The following NCOA7 variants were observed in gnomAD, a reference collection of about 807,000 sequenced individuals.
NCOA7 encodes nuclear receptor coactivator 7, also known as 140 kDa estrogen receptor-associated protein.
In NCOA7, 45 loss-of-function variants were observed where a neutral mutation model predicts 104.3. That is an observed-to-expected ratio of 0.43 (90% CI 0.34 to 0.55). The LOEUF (loss-of-function observed/expected upper bound fraction) is 0.55. NCOA7 is among the 20% of genes least tolerant of loss of function. The probability of loss-of-function intolerance (pLI) is 0.02; values close to 1 mark genes in which losing one functional copy is unlikely to be tolerated. For synonymous variants in NCOA7, 398 were observed against 402.3 expected (o/e 0.99, Z 0.13); for missense variants, 1,041 against 1,119.7 (o/e 0.93, Z 1.00).
intron 2 of NCOA7, among the ~76,000 whole-genome samples, chr6:125,839,844 A>T (rs1466410073): frequency 6.6e-6 from 1 of 152,120 alleles, no homozygotes; most frequent in African/African-American, 2.4e-5. Flanking sequence ...AGCTGTGGAA[A>T]AGCATAGTAC....
At chr6:125,806,825 T>G (rs756767430) in intron 1 of NCOA7, among the ~76,000 whole-genome samples, 11 of 152,222 alleles carry the variant, frequency 7.2e-5, no homozygotes, top group Non-Finnish European at 1.0e-4. Context: ...AGTACTTTCC[T>G]TTGGGGCATC....
intron 13 of NCOA7, 93 bp from the exon 14 acceptor site, chr6:125,927,570 T>C (rs1788144321): frequency 1.1e-6 from 1 of 913,604 alleles, no homozygotes; most frequent in Non-Finnish European, 1.8e-6. Context: ...CTGAAATAGA[T>C]CTCAGAACAT....
At chr6:125,911,872 G>A (rs1450816823) in intron 10 of NCOA7, among the ~76,000 whole-genome samples, 1 of 152,080 alleles carries the variant, frequency 6.6e-6, no homozygotes, top group Non-Finnish European at 1.5e-5. Context: ...CACACGGTTT[G>A]TTCATCTCCT....
At chr6:125,789,006 G>T (rs6942023), upstream of NCOA7, among the ~76,000 whole-genome samples, 18,262 of 151,970 alleles carry the variant, frequency 0.12, 1,461 homozygotes, top group African/African-American at 0.23. Flanking sequence ...TGAGAAACAG[G>T]GAAAACTTGT....
intron 2 of NCOA7, among the ~76,000 whole-genome samples, chr6:125,847,826 C>A (rs1310255954): frequency 6.6e-6 from 1 of 151,674 alleles, no homozygotes; most frequent in African/African-American, 2.4e-5. Flanking sequence ...AACTAAAGAG[C>A]TTCTGCACAG....
chr6:125,887,385 C>T (rs1001105166), intron 8 of NCOA7, among the ~76,000 whole-genome samples: 3 of 152,066 alleles, frequency 2.0e-5, no homozygotes, highest in African/African-American at 7.2e-5. Context: ...TTTGACATCT[C>T]CTGGGATGCT....
chr6:125,915,284 C>A, intron 10 of NCOA7, 49 bp from the exon 11 acceptor site: 1 of 1,605,404 alleles, frequency 6.2e-7, no homozygotes, highest in Non-Finnish European at 8.5e-7. Context: ...CTAGCACCTG[C>A]CAAGAAAGTG....
chr6:125,817,441 T>C (rs545631194), intron 2 of NCOA7, among the ~76,000 whole-genome samples: 1 of 152,362 alleles, frequency 6.6e-6, no homozygotes, highest in South Asian at 2.1e-4. Context: ...TCAATATTTT[T>C]TATTTTTATC....
chr6:125,834,919 G>T (rs1779489302), intron 2 of NCOA7, among the ~76,000 whole-genome samples: 1 of 152,236 alleles, frequency 6.6e-6, no homozygotes, highest in African/African-American at 2.4e-5. Context: ...AGTGTCTGGT[G>T]TGGCATTATT....
chr6:125,839,666 A>G (rs1328394334), intron 2 of NCOA7, among the ~76,000 whole-genome samples: 1 of 152,090 alleles, frequency 6.6e-6, no homozygotes, highest in Non-Finnish European at 1.5e-5. Context: ...ACCTGGGGAC[A>G]AAGACCAAAT....
intron 2 of NCOA7, among the ~76,000 whole-genome samples, chr6:125,825,006 A>G (rs1409513178): frequency 2.0e-5 from 3 of 152,134 alleles, no homozygotes; most frequent in African/African-American, 4.8e-5. Context: ...ATTGTACTCC[A>G]GTCTGAGTGA....
intron 10 of NCOA7, among the ~76,000 whole-genome samples, chr6:125,910,311 C>G (rs943564894): frequency 6.6e-6 from 1 of 152,192 alleles, no homozygotes; most frequent in East Asian, 1.9e-4. Flanking sequence ...AGCCAGCAAC[C>G]TATTAGGAAC....
chr6:125,854,513 GA>G (rs1323688203), intron 2 of NCOA7, among the ~76,000 whole-genome samples: 1 of 152,092 alleles, frequency 6.6e-6, no homozygotes, highest in East Asian at 1.9e-4. Context: ...ATGTTTAAAG[GA>G]AAAGAATTAC....
chr6:125,882,778 G>GT (rs905234469), intron 7 of NCOA7, among the ~76,000 whole-genome samples: 2 of 152,010 alleles, frequency 1.3e-5, no homozygotes, highest in Non-Finnish European at 2.9e-5. Context: ...TGGATTTATT[G>GT]TTTTTTTCTT....
At chr6:125,803,944 A>AT (rs200387680) in intron 1 of NCOA7, among the ~76,000 whole-genome samples, 56 of 146,274 alleles carry the variant, frequency 3.8e-4, no homozygotes, top group Admixed American at 6.8e-4. Flanking sequence ...TACTGCTCAC[A>AT]TTTTTTTTTT....
chr6:125,843,197 A>G (rs1454822670), intron 2 of NCOA7, among the ~76,000 whole-genome samples: 3 of 152,186 alleles, frequency 2.0e-5, no homozygotes, highest in Admixed American at 6.5e-5. Flanking sequence ...AAGTGTCCAT[A>G]TAAGAGGGAG....
At chr6:125,839,636 T>C (rs1779953319) in intron 2 of NCOA7, among the ~76,000 whole-genome samples, 1 of 152,054 alleles carries the variant, frequency 6.6e-6, no homozygotes, top group African/African-American at 2.4e-5. Flanking sequence ...TTCCAGTGTT[T>C]TAGGAAGTCT....
intron 3 of NCOA7, chr6:125,855,722 C>G (rs1314045656): frequency 6.6e-6 from 1 of 152,390 alleles, no homozygotes; most frequent in Admixed American, 6.6e-5. Context: ...CTTGCTCTGT[C>G]CCCTAGGCTG....
Position 125,930,763 on chromosome 6 carries a change from T to A in NCOA7, c.*1992T>A, listed in dbSNP as rs1366291435. The stretch of plus-strand genomic sequence containing the variant: ...TCACTCAAGTTCTCCTACTGAGGAC[T>A]CTTGACTAACAGCATACTGGCAGTT... On this transcript the variant is annotated 3_prime_UTR_variant, in exon 16 of 16. Transcript: ENST00000392477. 6.6e-6 allele frequency: 1 copy of A among 152,270 alleles called. No individual in the cohort carries two copies. The highest frequency in any genetic ancestry group is 1.9e-4 in the East Asian group (1 of 5,198). 9.4% of individuals were successfully genotyped at this position (152,270 alleles called of 1,614,324 possible). A position where few individuals can be genotyped will look rare whatever the true frequency, so the allele number is the denominator to read the frequency against.
Sources: allele counts gnomAD v4.1 joint callset (sites outside exome capture counted in the v4.1 genomes callset), GRCh38; gene constraint gnomAD v4.1.1; transcripts MANE v1.5; gene names NCBI Gene and HGNC (gene_info 2026-07-23, HGNC 2026-07-21).